Variants in LRRTM4 observed in about 807,000 individuals in gnomAD.
LRRTM4 encodes the protein leucine rich repeat transmembrane neuronal 4, also known as leucine-rich repeat transmembrane neuronal protein 4.
Under a neutral mutation model 47.6 loss-of-function variants are expected in LRRTM4, and 25 were observed. The observed-to-expected ratio is 0.53, with a 90% confidence interval of 0.38 to 0.73. The LOEUF is 0.73. Ranked by LOEUF, LRRTM4 falls within the 30% of genes least tolerant of loss-of-function variation. The pLI is 0.00. For synonymous variants in LRRTM4, 311 were observed against 269.5 expected, an observed-to-expected ratio of 1.15 and a Z score of -1.51; for missense variants, 638 against 713.4, an observed-to-expected ratio of 0.89 and a Z score of 1.20.
intron 3 of LRRTM4, among the ~76,000 whole-genome samples, chr2:77,323,063 G>A (rs1179569742): frequency 2.0e-5 from 3 of 151,936 alleles, no homozygotes; most frequent in Non-Finnish European, 4.4e-5. Flanking sequence ...ACAAGTCATA[G>A]ACAAAAGATG....
At position 77,391,649 on chromosome 2, in the gene LRRTM4, G is replaced by A. The variant is rs139975956; in HGVS notation, c.1551+126669C>T. Among the ~76,000 whole-genome samples, 35 of 151,998 alleles carry A rather than the reference G, an allele frequency of 2.3e-4. No individual in the cohort carries two copies. In the East Asian group the frequency reaches 6.8e-3, roughly 30 times the overall value. The stretch of plus-strand genomic sequence containing the variant: ...CATCATTCACTATAGCCAAGATATG[G>A]AATCAACCCAAATGTCCATTGCAAA... On this transcript the variant is annotated intron_variant, in intron 3 of 3. Transcript: ENST00000409884.
intron 3 of LRRTM4, among the ~76,000 whole-genome samples, chr2:77,244,165 T>G (rs1225601836): frequency 7.3e-6 from 1 of 136,392 alleles, no homozygotes; most frequent in Admixed American, 7.6e-5. Flanking sequence ...TAATCCAGTC[T>G]ATCATTGTTG....
In LRRTM4 at chr2:77,327,369, T is replaced by C. The variant is rs143747831; in HGVS notation, c.1551+190949A>G. 3.9e-5 allele frequency among the ~76,000 whole-genome samples: 6 copies of C among 152,326 alleles called. No individual in the cohort carries two copies. The East Asian group carries it at 9.7e-4, about 25-fold the overall frequency. ...GCTCCTACAGCTTTCCAATATTACA[T>C]ACCACTTACGTGGGCATAGAGTTCA... is the stretch of plus-strand genomic sequence containing the variant. On this transcript the variant is annotated intron_variant, in intron 3 of 3. Coordinates refer to ENST00000409884, the MANE Select transcript of LRRTM4 (RefSeq NM_001134745.3).
At chr2:76,897,277 A>G (rs954723527) in intron 3 of LRRTM4, among the ~76,000 whole-genome samples, 2 of 152,088 alleles carry the variant, frequency 1.3e-5, no homozygotes, top group Non-Finnish European at 2.9e-5. Context: ...TAAACTCCTG[A>G]GTGGATAGAG....
chr2:77,165,470 A>G (rs1018410161), intron 3 of LRRTM4, among the ~76,000 whole-genome samples: 2 of 152,122 alleles, frequency 1.3e-5, no homozygotes, highest in Non-Finnish European at 2.9e-5. Context: ...TATGAGGCAG[A>G]TTCATCCTGA....
At chr2:77,405,757 G>A (rs951709453) in intron 3 of LRRTM4, among the ~76,000 whole-genome samples, 2 of 152,066 alleles carry the variant, frequency 1.3e-5, no homozygotes, top group Non-Finnish European at 2.9e-5. Flanking sequence ...TCCAGCCATC[G>A]CATGTCTGTT....
intron 3 of LRRTM4, among the ~76,000 whole-genome samples, chr2:77,055,611 C>T (rs1011898783): frequency 1.2e-4 from 19 of 152,096 alleles, no homozygotes; most frequent in African/African-American, 4.3e-4. Context: ...ACTAGTTCGA[C>T]CATTGTGGAA....
intron 3 of LRRTM4, among the ~76,000 whole-genome samples, chr2:76,793,857 G>T (rs1015244812): frequency 1.1e-4 from 17 of 152,128 alleles, no homozygotes; most frequent in Non-Finnish European, 1.3e-4. Flanking sequence ...CCTGTAAGAA[G>T]GTCACAAATA....
intron 3 of LRRTM4, among the ~76,000 whole-genome samples, chr2:77,034,814 A>G (rs1678780022): frequency 6.6e-6 from 1 of 151,868 alleles, no homozygotes; most frequent in African/African-American, 2.4e-5. Context: ...AGGGTTGCAA[A>G]ATTATGACAT....
At chr2:77,460,205 C>T (rs1676735443) in intron 3 of LRRTM4, among the ~76,000 whole-genome samples, 1 of 152,058 alleles carries the variant, frequency 6.6e-6, no homozygotes, top group Admixed American at 6.6e-5. Context: ...CTGAATATCC[C>T]CCATGTATTC....
intron 3 of LRRTM4, among the ~76,000 whole-genome samples, chr2:77,013,363 A>G (rs1382144007): frequency 6.6e-6 from 1 of 152,186 alleles, no homozygotes; most frequent in Non-Finnish European, 1.5e-5. Flanking sequence ...GCTCGCAGGC[A>G]ATAGAGAATG....
chr2:76,952,047 G>T (rs940907373), intron 3 of LRRTM4, among the ~76,000 whole-genome samples: 1 of 151,906 alleles, frequency 6.6e-6, no homozygotes, highest in Non-Finnish European at 1.5e-5. Flanking sequence ...ATTTGGGTTG[G>T]TTCCAAGTCT....
intron 3 of LRRTM4, among the ~76,000 whole-genome samples, chr2:77,199,036 G>A (rs1385833454): frequency 2.6e-5 from 4 of 152,122 alleles, no homozygotes; most frequent in Non-Finnish European, 5.9e-5. Context: ...CTTGGTATCT[G>A]TAGATCTGTT....
At chr2:76,855,362 C>T (rs967812558) in intron 3 of LRRTM4, among the ~76,000 whole-genome samples, 1 of 152,124 alleles carries the variant, frequency 6.6e-6, no homozygotes, top group African/African-American at 2.4e-5. Flanking sequence ...AAATCCAGAA[C>T]CTGAGTTATT....
Position 77,280,125 on chromosome 2 carries a change from G to C in LRRTM4, c.1551+238193C>G, listed in dbSNP as rs183652596. The stretch of plus-strand genomic sequence containing the variant: ...GAGCCCAATATAATAATCACATATG[G>C]GAACAGAAGTCAGGGGAAAATGTAA... On this transcript the variant is annotated intron_variant, in intron 3 of 3. Transcript: ENST00000409884. Among the ~76,000 whole-genome samples, 5 of 152,098 alleles carry C rather than the reference G, an allele frequency of 3.3e-5. No individual in the cohort carries two copies. The East Asian group carries it at 9.7e-4, about 29-fold the overall frequency.
chr2:76,764,227 TG>T (rs1165780631), intron 3 of LRRTM4, among the ~76,000 whole-genome samples: 1 of 152,134 alleles, frequency 6.6e-6, no homozygotes, highest in East Asian at 1.9e-4. Context: ...CTTAAAGATT[TG>T]GAGAATTCTC....
chr2:76,950,585 T>G (rs1314498172), intron 3 of LRRTM4, among the ~76,000 whole-genome samples: 2 of 151,994 alleles, frequency 1.3e-5, no homozygotes, highest in African/African-American at 4.8e-5. Context: ...ATCTGCTTAA[T>G]ATGGATTTTT....
At chr2:76,805,009 A>G (rs1016643024) in intron 3 of LRRTM4, among the ~76,000 whole-genome samples, 10 of 152,014 alleles carry the variant, frequency 6.6e-5, no homozygotes, top group African/African-American at 1.7e-4. Context: ...AAAGCGGGAG[A>G]TTGACTATGA....
chr2:77,521,908 G>T, intron 1 of LRRTM4, 90 bp from the exon 2 acceptor site: 1 of 477,136 alleles, frequency 2.1e-6, no homozygotes. Context: ...GCACAGGGTG[G>T]GATGGTTGTG....
Sources: allele counts gnomAD v4.1 joint callset (sites outside exome capture counted in the v4.1 genomes callset), GRCh38; gene constraint gnomAD v4.1.1; transcripts MANE v1.5; gene names NCBI Gene and HGNC (gene_info 2026-07-23, HGNC 2026-07-21).